Variants in HDAC9 observed in about 807,000 individuals in gnomAD.
HDAC9 encodes histone deacetylase 9.
A neutral mutation model predicts 139.4 loss-of-function variants in HDAC9; 41 were observed. That is an observed-to-expected ratio of 0.29 (90% CI 0.23 to 0.38). The LOEUF (loss-of-function observed/expected upper bound fraction) is 0.38, where lower values mean the gene tolerates loss of function less well. Ranked by LOEUF, HDAC9 falls within the 10% of genes least tolerant of loss-of-function variation. The pLI is 1.00. For synonymous variants in HDAC9, 517 were observed against 476.2 expected, an observed-to-expected ratio of 1.09 and a Z score of -1.12; for missense variants, 1,147 against 1,297.0, an observed-to-expected ratio of 0.88 and a Z score of 1.78.
chr7:18,277,411 A>C (rs1244281218), intron 2 of HDAC9, among the ~76,000 whole-genome samples: 7 of 152,148 alleles, frequency 4.6e-5, no homozygotes, highest in Admixed American at 2.6e-4. Flanking sequence ...TGCAAATTGG[A>C]AGAGTGGAAG....
intron 1 of HDAC9, among the ~76,000 whole-genome samples, chr7:18,351,100 A>T (rs929040252): frequency 6.6e-6 from 1 of 152,180 alleles, no homozygotes; most frequent in Admixed American, 6.6e-5. Context: ...AGTCGGCTGT[A>T]AATAGTTTTT....
chr7:18,733,219 G>A (rs570164047), intron 13 of HDAC9, among the ~76,000 whole-genome samples: 19 of 146,022 alleles, frequency 1.3e-4, no homozygotes, highest in African/African-American at 2.5e-4. Context: ...GTGTCTATAC[G>A]TATATACACA....
At chr7:18,239,192 C>T (rs1001922568) in intron 2 of HDAC9, among the ~76,000 whole-genome samples, 5 of 151,974 alleles carry the variant, frequency 3.3e-5, no homozygotes, top group Non-Finnish European at 7.4e-5. Context: ...CCCTGGCACA[C>T]TGGAGAAAAA....
chr7:18,859,328 A>C (rs1309476246), intron 21 of HDAC9, among the ~76,000 whole-genome samples: 1 of 151,526 alleles, frequency 6.6e-6, no homozygotes, highest in Non-Finnish European at 1.5e-5. Context: ...AATTAATCCT[A>C]CTCTCCTGTT....
At chr7:18,405,826 T>C (rs1196794865) in intron 1 of HDAC9, among the ~76,000 whole-genome samples, 1 of 152,218 alleles carries the variant, frequency 6.6e-6, no homozygotes, top group Non-Finnish European at 1.5e-5. Flanking sequence ...CACTTTAACC[T>C]GTAGCATAAA....
intron 24 of HDAC9, among the ~76,000 whole-genome samples, chr7:18,955,782 T>C (rs1358988613): frequency 6.6e-6 from 1 of 152,038 alleles, no homozygotes; most frequent in African/African-American, 2.4e-5. Flanking sequence ...AGGGACTGGA[T>C]AGTAAGGAAG....
chr7:18,325,868 C>G (rs1269640944), intron 1 of HDAC9, among the ~76,000 whole-genome samples: 1 of 152,016 alleles, frequency 6.6e-6, no homozygotes, highest in East Asian at 1.9e-4. Context: ...CTCTACAGGT[C>G]TGTAGCCTAG....
intron 22 of HDAC9, among the ~76,000 whole-genome samples, chr7:18,921,916 A>C (rs921742639): frequency 5.9e-5 from 9 of 152,112 alleles, no homozygotes; most frequent in African/African-American, 2.2e-4. Flanking sequence ...GGATGAGTTC[A>C]TGTCCTTTGT....
intron 1 of HDAC9, among the ~76,000 whole-genome samples, chr7:18,438,275 T>C (rs1360342830): frequency 6.6e-6 from 1 of 152,038 alleles, no homozygotes; most frequent in Admixed American, 6.6e-5. Flanking sequence ...TAATATGAGA[T>C]ACCTTTATTC....
Position 18,591,607 on chromosome 7 carries a change from T to C in HDAC9, c.507T>C (p.Asn169=), listed in dbSNP as rs778746610. ...AAGACACTCCAACTAATGGAAAAAA[T>C]CATTCCGTGAGCCGCCATCCCAAGC... ...ATKDTPTNGK[N]HSVSRHPKLW... Residue 169 remains asparagine, a synonymous_variant, in exon 5 of 26, where the codon AAT becomes AAC. Transcript: ENST00000686413. 34 of 1,613,004 alleles carry C rather than the reference T, an allele frequency of 2.1e-5. No individual in the cohort carries two copies. In the Admixed American group the frequency reaches 5.7e-4, roughly 27 times the overall value.
At chr7:18,195,875 C>T (rs1184940441) in intron 2 of HDAC9, among the ~76,000 whole-genome samples, 1 of 152,028 alleles carries the variant, frequency 6.6e-6, no homozygotes, top group Admixed American at 6.6e-5. Context: ...ATCCCTATTC[C>T]TTTGTATTGG....
At chr7:18,700,473 T>C (rs1783388052) in intron 12 of HDAC9, among the ~76,000 whole-genome samples, 1 of 152,230 alleles carries the variant, frequency 6.6e-6, no homozygotes, top group Non-Finnish European at 1.5e-5. Context: ...AGTGGGGCTA[T>C]CTCTCACCTC....
intron 2 of HDAC9, among the ~76,000 whole-genome samples, chr7:18,241,726 G>A (rs946363253): frequency 3.3e-5 from 5 of 152,152 alleles, no homozygotes; most frequent in Non-Finnish European, 5.9e-5. Context: ...ACACTGAATC[G>A]CCTGAGTACC....
At chr7:18,120,400 G>A (rs1053015215) in intron 1 of HDAC9, among the ~76,000 whole-genome samples, 2 of 152,208 alleles carry the variant, frequency 1.3e-5, no homozygotes, top group African/African-American at 4.8e-5. Context: ...AAAGGGTTAA[G>A]TAAATTCTTC....
chr7:18,926,507 G>T (rs1247144917), intron 22 of HDAC9, among the ~76,000 whole-genome samples: 1 of 152,116 alleles, frequency 6.6e-6, no homozygotes, highest in Non-Finnish European at 1.5e-5. Flanking sequence ...TATAACTGAG[G>T]TTCAAATAGA....
At chr7:18,898,448 G>A (rs1168073737) in intron 22 of HDAC9, among the ~76,000 whole-genome samples, 1 of 151,776 alleles carries the variant, frequency 6.6e-6, no homozygotes, top group East Asian at 1.9e-4. Flanking sequence ...ATAATGAGTG[G>A]CCTCATGTTA....
At chr7:18,608,572 C>G (rs1326215905) in intron 6 of HDAC9, among the ~76,000 whole-genome samples, 3 of 152,016 alleles carry the variant, frequency 2.0e-5, no homozygotes, top group Non-Finnish European at 4.4e-5. Context: ...TATCTGTATT[C>G]TCATATCATT....
chr7:18,374,077 A>G (rs1445051104), intron 1 of HDAC9, among the ~76,000 whole-genome samples: 3 of 151,824 alleles, frequency 2.0e-5, no homozygotes, highest in East Asian at 3.9e-4. Flanking sequence ...TTTCTTTTAC[A>G]TTGAAAAAAT....
At chr7:18,874,423 T>C (rs756318944) in intron 21 of HDAC9, 55 bp from the exon 22 acceptor site, 24 of 1,135,996 alleles carry the variant, frequency 2.1e-5, no homozygotes, top group Non-Finnish European at 2.8e-5. Flanking sequence ...CACTGAACGA[T>C]TTTTAAAGGT....
Sources: gnomAD v4.1 joint callset for allele counts (sites outside exome capture counted in the v4.1 genomes callset) on GRCh38, gnomAD v4.1.1 for gene constraint, MANE v1.5 for transcripts, NCBI Gene and HGNC (gene_info 2026-07-23, HGNC 2026-07-21) for gene names.